The following EML3 variants were observed in gnomAD, a reference collection of about 807,000 sequenced individuals.
EML3 encodes echinoderm microtubule-associated protein-like 3.
Under a neutral mutation model 106.7 loss-of-function variants are expected in EML3, and 53 were observed. The observed-to-expected ratio is 0.50, with a 90% CI of 0.40 to 0.62. The LOEUF (loss-of-function observed/expected upper bound fraction) is 0.62. EML3 is among the 20% of genes least tolerant of loss of function. The pLI is 0.00. For synonymous variants in EML3, 499 were observed against 489.6 expected (o/e 1.02, Z -0.25); for missense variants, 994 against 1,209.1 (o/e 0.82, Z 2.64).
intron 4 of EML3, 136 bp from the exon 5 acceptor site, chr11:62,609,832 C>A: frequency 1.4e-6 from 1 of 708,882 alleles, no homozygotes; most frequent in South Asian, 2.0e-5. Flanking sequence ...TCGTGAGTAT[C>A]AGGGCCCTAG....
At chr11:62,604,329 G>A (rs536391925) in intron 16 of EML3, 128 bp from the exon 17 acceptor site, 13 of 698,214 alleles carry the variant, frequency 1.9e-5, no homozygotes, top group Non-Finnish European at 2.8e-5. Flanking sequence ...CACACAGAAA[G>A]GCTCTGATGT....
intron 19 of EML3, among the ~76,000 whole-genome samples, 176 bp downstream of exon 19, chr11:62,603,550 TCAA>T (rs1471011886): frequency 6.6e-6 from 1 of 152,170 alleles, no homozygotes; most frequent in Admixed American, 6.5e-5. Context: ...CTCCCTCAAG[TCAA>T]CAAGACATGG....
In EML3 at chr11:62,603,175, G is replaced by T; in HGVS notation, c.2330C>A (p.Thr777Asn). 1 of 1,614,094 alleles carries T rather than the reference G, an allele frequency of 6.2e-7. No individual in the cohort carries two copies. The highest frequency in any genetic ancestry group is 2.2e-5 in the East Asian group (1 of 44,882). ...ESRDREWATY[T>N]CVLGFHVYGV... ...GTAGACGTGAAAGCCCAGCACACAG[G>T]TGTAGGTAGCCCATTCCCGGTCTCG... Residue 777 changes from threonine to asparagine, a missense_variant, in exon 20 of 22, where the codon ACC (threonine) becomes AAC (asparagine). This residue lies in a region of EML3 where 713 missense variants were observed against 920.5 expected (regional missense o/e 0.77). Coordinates refer to ENST00000394773, the MANE Select transcript of EML3 (RefSeq NM_153265.3).
intron 6 of EML3, 41 bp from the exon 7 acceptor site, chr11:62,609,173 G>T: frequency 6.2e-7 from 1 of 1,609,896 alleles, no homozygotes; most frequent in Non-Finnish European, 8.5e-7. Context: ...TTAGATCAAG[G>T]GCAGGAGGAG....
rs1183186719 is a variant in EML3 at position 62,605,948 on chromosome 11, A to G, written c.1689T>C (p.Ile563=). The G allele has an allele frequency of 6.2e-7, 1 of 1,614,202 alleles. No homozygotes were observed. Among genetic ancestry groups the G allele is most frequent in the Admixed American group, 1.7e-5 (1 of 60,026 alleles). ...IPEHFGAVRA[I]AEGLGSELLV... The stretch of plus-strand genomic sequence containing the variant: ...GCAGCTCAGAGCCAAGCCCTTCAGC[A>G]ATGGCTCGCACGGCCCCGAAGTGCT... The change falls in exon 14 of 22, where the codon ATT becomes ATC. Residue 563 remains isoleucine (I), a synonymous_variant. Coordinates refer to ENST00000394773, the MANE Select transcript of EML3 (RefSeq NM_153265.3). This position sits in a 1 kb window ranked among gnomAD's most constrained non-coding sequence, Gnocchi z 5.2.
At chr11:62,607,559 C>G (rs1942598350) in intron 11 of EML3, 107 bp downstream of exon 11, 1 of 1,304,144 alleles carries the variant, frequency 7.7e-7, no homozygotes, top group African/African-American at 1.5e-5. Context: ...AAAAAAAGGT[C>G]ACAGGGGCAG....
Position 62,602,379 on chromosome 11 carries a change from G to A in EML3, c.*96C>T. ...CGGGAATGTCTCGAAGTCAGTCCAG[G>A]AAAGAGTCGGCCCCTAGTCGTGGGG... On this transcript the variant is annotated 3_prime_UTR_variant, in exon 22 of 22. Transcript: ENST00000394773. The A allele has an allele frequency of 5.6e-6, 8 of 1,425,418 alleles. No individual in the cohort carries two copies. The highest frequency in any genetic ancestry group is 7.5e-6 in the Non-Finnish European group (8 of 1,067,710). The allele number at this position is 1,425,418 out of a possible 1,614,324, so 88.3% of individuals were successfully genotyped here.
rs1385880843 is a variant in EML3, at chr11:62,609,072, C to T, written c.819G>A (p.Val273=). The T allele has an allele frequency of 6.2e-7, 1 of 1,613,992 alleles. No homozygotes were observed. Among genetic ancestry groups the T allele is most frequent in the Admixed American group, 1.7e-5 (1 of 59,988 alleles). Residue 273 remains valine, a synonymous_variant, in exon 7 of 22, where the codon GTG becomes GTA. Transcript: ENST00000394773. ...SNLFVLRSGE[V]VYFIACVVVL... is the part of the protein sequence containing the mutation. ...CCACCACACAGGCGATAAAGTAGACCACCTCCCCAGAGCGCAACACAAACA... is the reference window on the plus strand; with the variant it reads ...CCACCACACAGGCGATAAAGTAGACTACCTCCCCAGAGCGCAACACAAACA...
In EML3 at chr11:62,612,512, G is replaced by C; in HGVS notation, c.-55C>G. 1 of 1,355,250 alleles carries C rather than the reference G, an allele frequency of 7.4e-7. No homozygotes were observed. Among genetic ancestry groups the C allele is most frequent in the Middle Eastern group, 2.7e-4 (1 of 3,652 alleles). 84.0% of individuals were successfully genotyped at this position (1,355,250 alleles called of 1,614,324 possible). A position where few individuals can be genotyped will look rare whatever the true frequency, so the allele number is the denominator to read the frequency against. The stretch of plus-strand genomic sequence containing the variant: ...GGCGGAGGAGGCGTCTAAGCCGCGG[G>C]GGCCACGGCCGGGGAGAGGGGAAGG... On this transcript the variant is annotated 5_prime_UTR_variant, in exon 1 of 22. Coordinates refer to ENST00000394773, the MANE Select transcript of EML3 (RefSeq NM_153265.3).
At chr11:62,612,225 G>T in intron 1 of EML3, 1 of 528,280 alleles carries the variant, frequency 1.9e-6, no homozygotes, top group Non-Finnish European at 3.3e-6. Flanking sequence ...CCGGAGTTAC[G>T]TGGGGCGTAG....
intron 12 of EML3, chr11:62,606,549 T>C (rs1942529799): frequency 2.7e-6 from 1 of 372,252 alleles, no homozygotes; most frequent in Non-Finnish European, 4.9e-6. Context: ...AACTATCAAC[T>C]CTCAAGGTAA....
chr11:62,607,098 T>C lies in EML3; in HGVS notation c.1364A>G (p.Lys455Arg). 6.2e-7 allele frequency: 1 copy of C among 1,613,742 alleles called. No homozygotes were observed. Among genetic ancestry groups the C allele is most frequent in the Non-Finnish European group, 8.5e-7 (1 of 1,179,864 alleles). Reference protein sequence around the residue: ...TLTRKQGVFGKYKKPKFIPCF... With the variant: ...TLTRKQGVFGRYKKPKFIPCF... ...AGGGATAAACTTGGGTTTCTTGTAT[T>C]TCTAGTGGGAGGGGAGAGCAGACAG... Residue 455 changes from lysine (K) to arginine (R), a missense_variant and splice_region_variant, in exon 12 of 22, where the codon AAA becomes AGA. This residue lies in a region of EML3 where 713 missense variants were observed against 920.5 expected (regional missense o/e 0.77). Coordinates refer to ENST00000394773, the MANE Select transcript of EML3 (RefSeq NM_153265.3).
intron 3 of EML3, 39 bp downstream of exon 3, chr11:62,611,048 C>A: frequency 1.2e-6 from 2 of 1,604,614 alleles, no homozygotes; most frequent in African/African-American, 2.7e-5. Context: ...AATCCTACCA[C>A]CCCTCCCAGC....
intron 19 of EML3, 120 bp from the exon 20 acceptor site, chr11:62,603,367 C>T (rs567724066): frequency 2.2e-6 from 2 of 903,464 alleles, no homozygotes; most frequent in South Asian, 2.9e-5. Flanking sequence ...ATCTGGTCAC[C>T]GTAGTAGCAT....
Position 62,602,780 on chromosome 11 carries a change from C to G in EML3, c.2466G>C (p.Gln822His). The part of the protein sequence containing the change: ...ADDFCKVHLF[Q>H]YPCARAKAPS... The stretch of plus-strand genomic sequence containing the variant: ...TCACCTTGGCACGAGCGCACGGGTA[C>G]TGGAAGAGATGCACTTTGCAGAAGT... The change falls in exon 21 of 22, where the codon CAG becomes CAC. Residue 822 changes from glutamine to histidine, a missense_variant. Coordinates refer to ENST00000394773, the MANE Select transcript of EML3 (RefSeq NM_153265.3). The G allele has an allele frequency of 6.2e-7, 1 of 1,611,750 alleles. No homozygotes were observed. The highest frequency in any genetic ancestry group is 8.5e-7 in the Non-Finnish European group (1 of 1,179,492).
Position 62,602,661 on chromosome 11 carries a change from G to A in EML3, c.2505C>T (p.Tyr835=). The A allele has an allele frequency of 6.3e-7, 1 of 1,596,562 alleles. No individual in the cohort carries two copies. The highest frequency in any genetic ancestry group is 1.7e-5 in the Admixed American group (1 of 58,912). The part of the protein sequence containing the change: ...CARAKAPSRM[Y]GGHGSHVTSV... Reference sequence around the variant, plus strand: ...TGGTCACGTGGCTGCCGTGGCCCCCGTACATGCGGCTCGGCGCCTGGGCCG... The same window carrying A: ...TGGTCACGTGGCTGCCGTGGCCCCCATACATGCGGCTCGGCGCCTGGGCCG... Residue 835 remains tyrosine, a synonymous_variant, in exon 22 of 22, where the codon TAC becomes TAT. Transcript: ENST00000394773.
intron 4 of EML3, 94 bp from the exon 5 acceptor site, chr11:62,609,790 CCA>C: frequency 9.2e-7 from 1 of 1,089,142 alleles, no homozygotes; most frequent in Non-Finnish European, 1.3e-6. Flanking sequence ...ACTGCAGAAA[CCA>C]CAGTCACTTC....
intron 11 of EML3, 194 bp downstream of exon 11, chr11:62,607,472 C>T (rs1174174466): frequency 5.3e-6 from 3 of 566,710 alleles, no homozygotes; most frequent in South Asian, 6.5e-5. Flanking sequence ...AGGAGGCAGA[C>T]GTTGCAGTGA....
chr11:62,607,582 G>T, intron 11 of EML3, 84 bp downstream of exon 11: 2 of 1,457,982 alleles, frequency 1.4e-6, no homozygotes, highest in Non-Finnish European at 1.8e-6. Flanking sequence ...GGGGGTTAGG[G>T]AACCTCAGGG....
Sources: gnomAD v4.1 joint callset for allele counts (sites outside exome capture counted in the v4.1 genomes callset) on GRCh38, gnomAD v4.1.1 for gene constraint, gnomAD v4.1.1 regional missense constraint, Gnocchi (gnomAD v3.1) non-coding constraint, MANE v1.5 for transcripts, NCBI Gene and HGNC (gene_info 2026-07-23, HGNC 2026-07-21) for gene names.